SLC26A5: variants seen among roughly 807,000 people sequenced by gnomAD.
SLC26A5 encodes the protein prestin.
A neutral mutation model predicts 81.0 loss-of-function variants in SLC26A5; 51 were observed. The ratio of observed to expected loss-of-function variants is 0.63; its 90% CI spans 0.50 to 0.80. SLC26A5 has a LOEUF of 0.80. Among genes scored for constraint, SLC26A5 ranks in the 30% least tolerant of loss-of-function variants. The pLI, the probability that SLC26A5 is intolerant of heterozygous loss-of-function variation, is 0.00. For synonymous variants in SLC26A5, 325 were observed against 332.8 expected (o/e 0.98, Z 0.25); for missense variants, 771 against 905.8 (o/e 0.85, Z 1.91).
intron 2 of SLC26A5, among the ~76,000 whole-genome samples, chr7:103,423,196 C>A (rs187257099): frequency 1.0e-3 from 158 of 151,906 alleles, no homozygotes; most frequent in African/African-American, 3.5e-3. Context: ...CACTTGAACC[C>A]GGGAGGCAGA....
At chr7:103,442,873 G>C (rs1409054103) in intron 2 of SLC26A5, among the ~76,000 whole-genome samples, 2 of 152,208 alleles carry the variant, frequency 1.3e-5, no homozygotes, top group East Asian at 1.9e-4. Flanking sequence ...CTGGTTGATA[G>C]CTAAGGATAT....
At chr7:103,421,258 C>T (rs911814740) in intron 3 of SLC26A5, 105 bp downstream of exon 3, 2 of 1,287,344 alleles carry the variant, frequency 1.6e-6, no homozygotes, top group Middle Eastern at 1.8e-4. Context: ...GCTCAGCATT[C>T]ATTTTTCTCT....
chr7:103,397,887 CATTG>C, intron 9 of SLC26A5, 41 bp downstream of exon 9: 1 of 1,351,586 alleles, frequency 7.4e-7, no homozygotes, highest in South Asian at 1.2e-5. Context: ...GCAATAGATC[CATTG>C]ATTATTTCAG....
chr7:103,400,287 G>A (rs144600805), intron 8 of SLC26A5, among the ~76,000 whole-genome samples: 8,747 of 152,198 alleles, frequency 0.057, 307 homozygotes, highest in South Asian at 0.13. Flanking sequence ...ATGGTATCCC[G>A]TTGTGGTTTT....
At chr7:103,371,184 A>G (rs541845792), downstream of SLC26A5, among the ~76,000 whole-genome samples, 1 of 152,382 alleles carries the variant, frequency 6.6e-6, no homozygotes, top group South Asian at 2.1e-4. Context: ...GATGCTAAGC[A>G]AAGTGATAAA....
intron 19 of SLC26A5, chr7:103,368,620 T>C (rs1319024428): frequency 6.6e-6 from 1 of 152,150 alleles, no homozygotes; most frequent in African/African-American, 2.4e-5. Flanking sequence ...AGGAGAAACA[T>C]TGGATGTATA....
chr7:103,371,386 G>A (rs1434778425), downstream of SLC26A5, among the ~76,000 whole-genome samples: 2 of 150,228 alleles, frequency 1.3e-5, no homozygotes, highest in African/African-American at 2.5e-5. Flanking sequence ...GTGCAGTGGC[G>A]CGATCTCGGC....
At position 103,379,267 on chromosome 7, in the gene SLC26A5, C is replaced by A. The variant is rs747533690; in HGVS notation, c.1653G>T (p.Leu551Phe). 2.1e-5 allele frequency: 34 copies of A among 1,611,178 alleles called. No homozygotes were observed. The highest frequency in any genetic ancestry group is 8.5e-7 in the Non-Finnish European group (1 of 1,177,670). Residue 551 changes from leucine (L) to phenylalanine (F), a missense_variant, in exon 16 of 20, where the codon TTG (leucine) becomes TTT (phenylalanine). Physicochemically the swap from Leu to Phe is conservative, Grantham distance 22. Transcript: ENST00000306312. Reference sequence around the variant, plus strand: ...CCTTTCGTTTTAATGCATTGCTATACAAGTCGCTATTTGCATAGTAAATTG... The same window carrying A: ...CCTTTCGTTTTAATGCATTGCTATAAAAGTCGCTATTTGCATAGTAAATTG... Reference protein sequence around the residue: ...NAPIYYANSDLYSNALKRKTG... With the variant: ...NAPIYYANSDFYSNALKRKTG...
chr7:103,415,882 T>C (rs1050705257), intron 4 of SLC26A5, among the ~76,000 whole-genome samples: 2 of 152,176 alleles, frequency 1.3e-5, no homozygotes, highest in Admixed American at 6.5e-5. Flanking sequence ...TTCCTTCTGT[T>C]TACTCTCTTC....
chr7:103,390,832 A>G (rs1044646628), intron 11 of SLC26A5, among the ~76,000 whole-genome samples: 1 of 151,736 alleles, frequency 6.6e-6, no homozygotes, highest in African/African-American at 2.4e-5. Flanking sequence ...CTGCTGTCCA[A>G]TATGGGAGCC....
At chr7:103,435,710 A>T (rs1826400588) in intron 2 of SLC26A5, among the ~76,000 whole-genome samples, 1 of 152,172 alleles carries the variant, frequency 6.6e-6, no homozygotes, top group Non-Finnish European at 1.5e-5. Flanking sequence ...CATTGCTGCT[A>T]ACTCCATACA....
At position 103,421,552 on chromosome 7, in the gene SLC26A5, C is replaced by G; in HGVS notation, c.-38G>C. The G allele has an allele frequency of 6.2e-7, 1 of 1,610,200 alleles. No individual in the cohort carries two copies. The highest frequency in any genetic ancestry group is 8.5e-7 in the Non-Finnish European group (1 of 1,177,294). ...TTATTCCTTAACAGCCGGAGACAAG[C>G]ATTTCCTGAGTGTCACTAGGGGAAA... On this transcript the variant is annotated 5_prime_UTR_variant, in exon 3 of 20. An upstream start codon of the reference 5' UTR is lost. Coordinates refer to ENST00000306312, the MANE Select transcript of SLC26A5 (RefSeq NM_198999.3).
At chr7:103,359,004 G>A (rs1820205415) in intron 19 of SLC26A5, among the ~76,000 whole-genome samples, 1 of 148,810 alleles carries the variant, frequency 6.7e-6, no homozygotes, top group Non-Finnish European at 1.5e-5. Flanking sequence ...TTTTTTTTGA[G>A]ACAAGGTCTC....
At chr7:103,366,049 GAATT>G (rs1437093481) in intron 19 of SLC26A5, 1 of 1,563,282 alleles carries the variant, frequency 6.4e-7, no homozygotes, top group Non-Finnish European at 8.7e-7. Flanking sequence ...AACCAATTTT[GAATT>G]AATAAATCAT....
rs369599043 is a variant in SLC26A5, at chr7:103,385,453, G to T, written c.1514+3555C>A. The stretch of plus-strand genomic sequence containing the variant: ...TGTCTCTTAACTATGCCTGCTCTGA[G>T]GGAAAATGAGTGTTTCAAACAAACG... On this transcript the variant is annotated intron_variant, in intron 14 of 19. Transcript: ENST00000306312. Among the ~76,000 whole-genome samples, 21 of 152,222 alleles carry T rather than the reference G, an allele frequency of 1.4e-4. 1 individual carries two copies. The highest frequency in any genetic ancestry group is 5.1e-4 in the African/African-American group (21 of 41,552).
chr7:103,390,289 T>A lies in SLC26A5; in HGVS notation c.1311+140A>T, dbSNP rs1822541440. On this transcript the variant is annotated intron_variant, in intron 12 of 19. Coordinates refer to ENST00000306312, the MANE Select transcript of SLC26A5 (RefSeq NM_198999.3). ...AGTAGGTTATAGAGCAGGATCTTGGTCCTAGCCTTGGCCCTTTCTCATACC... is the reference window on the plus strand; with the variant it reads ...AGTAGGTTATAGAGCAGGATCTTGGACCTAGCCTTGGCCCTTTCTCATACC... The A allele has an allele frequency of 1.2e-5, 10 of 806,452 alleles. No homozygotes were observed. The South Asian group carries it at 1.5e-4, about 12-fold the overall frequency. The allele number at this position is 806,452 out of a possible 1,614,324, so 50.0% of individuals were successfully genotyped here.
chr7:103,440,134 A>C (rs1426037106), intron 2 of SLC26A5, among the ~76,000 whole-genome samples: 1 of 152,214 alleles, frequency 6.6e-6, no homozygotes, highest in Non-Finnish European at 1.5e-5. Flanking sequence ...TAAGAATGTA[A>C]GCTACATGAA....
At chr7:103,403,135 G>A (rs113307243) in intron 8 of SLC26A5, among the ~76,000 whole-genome samples, 3,565 of 152,256 alleles carry the variant, frequency 0.023, 128 homozygotes, top group African/African-American at 0.081. Context: ...TATTTACCCA[G>A]TAGTCATTCA....
chr7:103,353,557 T>G (rs1819851750), intron 19 of SLC26A5, among the ~76,000 whole-genome samples: 1 of 152,232 alleles, frequency 6.6e-6, no homozygotes, highest in South Asian at 2.1e-4. Flanking sequence ...TCTGCCTGCC[T>G]GGGCCTCCCA....
Sources: gnomAD v4.1 joint callset for allele counts (sites outside exome capture counted in the v4.1 genomes callset) on GRCh38, gnomAD v4.1.1 for gene constraint, MANE v1.5 for transcripts, NCBI Gene and HGNC (gene_info 2026-07-23, HGNC 2026-07-21) for gene names.